Variants in NME7 observed in about 807,000 individuals in gnomAD.
The protein encoded by NME7 is NME/NM23 family member 7, also known as nucleoside diphosphate kinase 7.
In NME7, 41 loss-of-function variants were observed where a neutral mutation model predicts 49.1. That is an observed-to-expected ratio of 0.83 (90% CI 0.65 to 1.08). NME7 has a LOEUF of 1.08. NME7 is among the 50% of genes least tolerant of loss of function. NME7 has a pLI of 0.00. For synonymous variants in NME7, 139 were observed against 150.6 expected (o/e 0.92, Z 0.56); for missense variants, 423 against 463.4 (o/e 0.91, Z 0.80).
At chr1:169,218,683 T>TTTC (rs1553246983) in intron 10 of NME7, among the ~76,000 whole-genome samples, 16 of 139,040 alleles carry the variant, frequency 1.2e-4, no homozygotes, top group Non-Finnish European at 2.1e-4. Context: ...TTTTTTTTTT[T>TTTC]AGTAATATAG....
intron 7 of NME7, among the ~76,000 whole-genome samples, chr1:169,262,286 G>GA (rs1395075764): frequency 7.5e-6 from 1 of 134,228 alleles, no homozygotes; most frequent in Admixed American, 7.3e-5. Flanking sequence ...GCTCCCAGAT[G>GA]AATGAAGCCA....
In NME7 at chr1:169,355,113, TAATATAC is replaced by T. The variant is rs1557837397; in HGVS notation, c.3+12588_3+12594del. ...TACTATATATTATAGATATAATATATAATATACTATATATTATAGATATAATATATAA... is the reference window on the plus strand; with the variant it reads ...TACTATATATTATAGATATAATATATTATATATTATAGATATAATATATAA... On this transcript the variant is annotated intron_variant, in intron 1 of 11. Transcript: ENST00000367811. 1.4e-3 allele frequency among the ~76,000 whole-genome samples: 66 copies of T among 45,722 alleles called. 3 individuals carry two copies. Among genetic ancestry groups the T allele is most frequent in the African/African-American group, 5.6e-3 (62 of 11,084 alleles). The allele number at this position is 45,722 out of a possible 152,430, so 30.0% of individuals were successfully genotyped here. A position where few individuals can be genotyped will look rare whatever the true frequency, so the allele number is the denominator to read the frequency against.
chr1:169,357,743 G>A (rs1042415920), intron 1 of NME7, among the ~76,000 whole-genome samples: 8 of 152,130 alleles, frequency 5.3e-5, no homozygotes, highest in Middle Eastern at 3.4e-3. Context: ...TTCCAGAGCC[G>A]AATTTCTGAG....
At chr1:169,355,102 GATATAATATATAA>G (rs1653367373) in intron 1 of NME7, among the ~76,000 whole-genome samples, 1 of 44,154 alleles carries the variant, frequency 2.3e-5, no homozygotes, top group East Asian at 9.2e-4. Context: ...ATATATTATA[GATATAATATATAA>G]TATACTATAT....
chr1:169,238,838 T>C (rs1358042167), intron 7 of NME7, among the ~76,000 whole-genome samples: 1 of 152,110 alleles, frequency 6.6e-6, no homozygotes, highest in Non-Finnish European at 1.5e-5. Flanking sequence ...ATATTCACGT[T>C]AAGCTTGTTT....
intron 6 of NME7, among the ~76,000 whole-genome samples, chr1:169,288,404 C>G (rs12121788): frequency 4.4e-4 from 67 of 152,162 alleles, no homozygotes; most frequent in Non-Finnish European, 7.8e-4. Context: ...CCCTGTGGAA[C>G]CTGCTTATAG....
chr1:169,236,721 C>CTTTT (rs111598142), intron 8 of NME7, among the ~76,000 whole-genome samples: 1 of 145,332 alleles, frequency 6.9e-6, no homozygotes, highest in East Asian at 2.0e-4. Flanking sequence ...AACTATTTCC[C>CTTTT]TTTTTTTTTT....
At chr1:169,335,802 A>G (rs1320963557) in intron 1 of NME7, among the ~76,000 whole-genome samples, 1 of 148,480 alleles carries the variant, frequency 6.7e-6, no homozygotes, top group South Asian at 2.1e-4. Flanking sequence ...ATATATATAT[A>G]CATATATATA....
intron 10 of NME7, among the ~76,000 whole-genome samples, chr1:169,212,238 C>A (rs1290519579): frequency 6.6e-6 from 1 of 151,936 alleles, no homozygotes. Flanking sequence ...ATTTACTTTG[C>A]TATTTACTTA....
rs773348268 is a variant in NME7 at position 169,259,262 on chromosome 1, T to TGTCTC, written c.755-21576_755-21575insGAGAC. The stretch of plus-strand genomic sequence containing the variant: ...TCCCAATCATGACCCTTTCTTCTCT[T>TGTCTC]AGGGGAGACACCTACCTGACTTTGG... On this transcript the variant is annotated intron_variant, in intron 7 of 11. Coordinates refer to ENST00000367811, the MANE Select transcript of NME7 (RefSeq NM_013330.5). Among the ~76,000 whole-genome samples, 321 of 132,914 alleles carry TGTCTC rather than the reference T, an allele frequency of 2.4e-3. 76 individuals are homozygous for TGTCTC. The highest frequency in any genetic ancestry group is 3.8e-3 in the Non-Finnish European group (217 of 56,546). 87.2% of individuals were successfully genotyped at this position (132,914 alleles called of 152,430 possible).
intron 10 of NME7, among the ~76,000 whole-genome samples, chr1:169,218,535 T>C (rs559348784): frequency 6.6e-6 from 1 of 151,922 alleles, no homozygotes; most frequent in South Asian, 2.1e-4. Flanking sequence ...GCCACTGCAG[T>C]CCAGCCTGGG....
Position 169,235,131 on chromosome 1 carries a change from A to T in NME7, c.888T>A (p.His296Gln). ...EVYKGVVTEYHDMVTEMYSGP... is the reference protein window; with the variant it reads ...EVYKGVVTEYQDMVTEMYSGP... The stretch of plus-strand genomic sequence containing the variant: ...GTTTTACATTTACTTTTATACTTAC[A>T]TGATATTCGGTCACTACTCCTTTAT... Residue 296 changes from histidine to glutamine, a missense_variant and splice_region_variant, in exon 9 of 12, where the codon CAT becomes CAA. Physicochemically the swap from His to Gln is conservative, Grantham distance 24. Coordinates refer to ENST00000367811, the MANE Select transcript of NME7 (RefSeq NM_013330.5). The T allele has an allele frequency of 6.7e-7, 1 of 1,490,360 alleles. No individual in the cohort carries two copies. Among genetic ancestry groups the T allele is most frequent in the Non-Finnish European group, 9.3e-7 (1 of 1,080,640 alleles). 92.3% of individuals were successfully genotyped at this position (1,490,360 alleles called of 1,614,324 possible). A position where few individuals can be genotyped will look rare whatever the true frequency, so the allele number is the denominator to read the frequency against.
At chr1:169,250,209 T>C (rs1648503618) in intron 7 of NME7, among the ~76,000 whole-genome samples, 1 of 152,086 alleles carries the variant, frequency 6.6e-6, no homozygotes, top group South Asian at 2.1e-4. Flanking sequence ...TAGGAGTGTT[T>C]ATGTTTCCTG....
intron 7 of NME7, among the ~76,000 whole-genome samples, chr1:169,280,038 ACT>A (rs1649939481): frequency 6.6e-6 from 1 of 152,168 alleles, no homozygotes; most frequent in Non-Finnish European, 1.5e-5. Flanking sequence ...GAATCACCAC[ACT>A]GTTTTCCACA....
intron 10 of NME7, among the ~76,000 whole-genome samples, chr1:169,216,504 C>T (rs1440131267): frequency 1.3e-5 from 2 of 152,234 alleles, no homozygotes; most frequent in Non-Finnish European, 2.9e-5. Flanking sequence ...ATTTCCTTTG[C>T]ATCTTTATAT....
chr1:169,353,408 T>C (rs146532434), intron 1 of NME7, among the ~76,000 whole-genome samples: 186 of 152,204 alleles, frequency 1.2e-3, no homozygotes, highest in African/African-American at 4.2e-3. Context: ...TGGATTTGGA[T>C]TAAAGACTTA....
At position 169,257,741 on chromosome 1, in the gene NME7, C is replaced by G. The variant is rs747839436; in HGVS notation, c.755-20054G>C. On this transcript the variant is annotated intron_variant, in intron 7 of 11. Coordinates refer to ENST00000367811, the MANE Select transcript of NME7 (RefSeq NM_013330.5). ...AGCTGGTCTAGTAGTAACAAATTCT[C>G]TCAGCATTTGTTTGTCTGAAAATGA... Among the ~76,000 whole-genome samples, 3 of 134,268 alleles carry G rather than the reference C, an allele frequency of 2.2e-5. 1 individual carries two copies. The highest frequency in any genetic ancestry group is 5.3e-5 in the Non-Finnish European group (3 of 57,134). 88.1% of individuals were successfully genotyped at this position (134,268 alleles called of 152,430 possible). A position where few individuals can be genotyped will look rare whatever the true frequency, so the allele number is the denominator to read the frequency against.
rs1486153965 is a variant in NME7 at position 169,275,872 on chromosome 1, T to C, written c.754+11431A>G. On this transcript the variant is annotated intron_variant, in intron 7 of 11. Coordinates refer to ENST00000367811, the MANE Select transcript of NME7 (RefSeq NM_013330.5). ...TGAGATACATCCCATCAATACCTAA[T>C]TTATTGAGAGTTTTTAGCATGAAGG... 2.2e-5 allele frequency among the ~76,000 whole-genome samples: 3 copies of C among 133,602 alleles called. 1 individual carries two copies. Among genetic ancestry groups the C allele is most frequent in the Non-Finnish European group, 5.3e-5 (3 of 56,946 alleles). The allele number at this position is 133,602 out of a possible 152,430, so 87.6% of individuals were successfully genotyped here. A position where few individuals can be genotyped will look rare whatever the true frequency, so the allele number is the denominator to read the frequency against.
chr1:169,224,014 T>C (rs1661226014), intron 10 of NME7, among the ~76,000 whole-genome samples: 1 of 152,200 alleles, frequency 6.6e-6, no homozygotes, highest in Non-Finnish European at 1.5e-5. Flanking sequence ...ATCTAGTTAT[T>C]TGATGAATTC....
Sources: allele counts gnomAD v4.1 joint callset (sites outside exome capture counted in the v4.1 genomes callset), GRCh38; gene constraint gnomAD v4.1.1; transcripts MANE v1.5; gene names NCBI Gene and HGNC (gene_info 2026-07-23, HGNC 2026-07-21).